Variants in SH3RF3 observed in about 807,000 individuals in gnomAD.
The protein encoded by SH3RF3 is E3 ubiquitin-protein ligase SH3RF3.
SH3RF3 carries 29 observed loss-of-function variants against 66.3 expected under a neutral mutation model. The observed-to-expected ratio is 0.44, with a 90% CI of 0.33 to 0.60. SH3RF3 has a LOEUF of 0.60. Ranked by LOEUF, SH3RF3 falls within the 20% of genes least tolerant of loss-of-function variation. The pLI is 0.04. For synonymous variants in SH3RF3, 583 were observed against 532.0 expected, an observed-to-expected ratio of 1.10 and a Z score of -1.32; for missense variants, 1,194 against 1,190.9, an observed-to-expected ratio of 1.00 and a Z score of -0.04.
At chr2:109,456,595 G>A (rs574006665) in intron 8 of SH3RF3, among the ~76,000 whole-genome samples, 180 of 152,318 alleles carry the variant, frequency 1.2e-3, no homozygotes, top group African/African-American at 4.2e-3. Context: ...TGTTATCTGC[G>A]CCCTCCCAGG....
chr2:109,447,779 A>C (rs1162086334), intron 7 of SH3RF3, among the ~76,000 whole-genome samples: 2 of 152,196 alleles, frequency 1.3e-5, no homozygotes, highest in African/African-American at 4.8e-5. Context: ...GCTGTGTTTA[A>C]AGGGAGCTGT....
chr2:109,272,677 G>A (rs1016821008), intron 1 of SH3RF3, among the ~76,000 whole-genome samples: 1 of 152,248 alleles, frequency 6.6e-6, no homozygotes, highest in Non-Finnish European at 1.5e-5. Flanking sequence ...GCGCTGAGTT[G>A]TCATGGAGAC....
At chr2:109,494,589 G>A (rs146427085) in intron 9 of SH3RF3, among the ~76,000 whole-genome samples, 2,160 of 152,264 alleles carry the variant, frequency 0.014, 49 homozygotes, top group African/African-American at 0.05. Context: ...GCTGGGCTGC[G>A]CCCTGTGCAG....
intron 8 of SH3RF3, among the ~76,000 whole-genome samples, chr2:109,473,341 A>G (rs1406135805): frequency 6.6e-6 from 1 of 152,182 alleles, no homozygotes; most frequent in Admixed American, 6.5e-5. Context: ...GTGGCTGGTT[A>G]CCAAGCACAA....
chr2:109,355,798 T>C lies in SH3RF3; in HGVS notation c.849+7849T>C, dbSNP rs916566323. Reference sequence around the variant, plus strand: ...TTGCCGTCTTCATATACAAAGCCCATTTGGTGTTTTGAGGAGGGGTATTTC... The same window carrying C: ...TTGCCGTCTTCATATACAAAGCCCACTTGGTGTTTTGAGGAGGGGTATTTC... On this transcript the variant is annotated intron_variant, in intron 2 of 9. Coordinates refer to ENST00000309415, the MANE Select transcript of SH3RF3 (RefSeq NM_001099289.3). 4.6e-5 allele frequency among the ~76,000 whole-genome samples: 7 copies of C among 152,246 alleles called. No homozygotes were observed. In the East Asian group the frequency reaches 1.2e-3, roughly 25 times the overall value.
At chr2:109,446,618 T>C (rs1196284926) in intron 7 of SH3RF3, among the ~76,000 whole-genome samples, 1 of 152,082 alleles carries the variant, frequency 6.6e-6, no homozygotes, top group Non-Finnish European at 1.5e-5. Context: ...CTTGCAGCTA[T>C]GAGGGAGGTG....
intron 2 of SH3RF3, among the ~76,000 whole-genome samples, chr2:109,359,136 A>G (rs1173176503): frequency 1.3e-5 from 2 of 152,090 alleles, no homozygotes; most frequent in African/African-American, 2.4e-5. Flanking sequence ...CCATTGATCT[A>G]GTTGTCTATT....
chr2:109,203,969 G>T (rs1231661918), intron 1 of SH3RF3, among the ~76,000 whole-genome samples: 1 of 152,246 alleles, frequency 6.6e-6, no homozygotes, highest in African/African-American at 2.4e-5. Context: ...CGGTGCTCCA[G>T]TGTGAAGCAT....
At chr2:109,261,924 G>A (rs1367631442) in intron 1 of SH3RF3, among the ~76,000 whole-genome samples, 3 of 152,014 alleles carry the variant, frequency 2.0e-5, no homozygotes, top group East Asian at 3.9e-4. Flanking sequence ...AGTGTGGTGT[G>A]TATTAAGATC....
Position 109,432,429 on chromosome 2 carries a change from C to T in SH3RF3, c.1404-72C>T, listed in dbSNP as rs984681009. On this transcript the variant is annotated intron_variant, in intron 5 of 9. Transcript: ENST00000309415. ...TGGGTTCCTCCAAAGACAACCTCCC[C>T]CCAGGAATGCCGGCCGGTCCCCTAT... 3.8e-6 allele frequency: 6 copies of T among 1,572,560 alleles called. No individual in the cohort carries two copies. In the East Asian group the frequency reaches 9.4e-5, roughly 25 times the overall value.
chr2:109,266,304 TGTGTGTGTGTTGTATG>T (rs1680492977), intron 1 of SH3RF3, among the ~76,000 whole-genome samples: 2 of 151,588 alleles, frequency 1.3e-5, no homozygotes, highest in East Asian at 1.9e-4. Flanking sequence ...GTGTATGTGT[TGTGTGTGTGTTGTATG>T]GTGTGTGTGT....
intron 4 of SH3RF3, among the ~76,000 whole-genome samples, chr2:109,412,683 A>G (rs959863405): frequency 9.9e-5 from 15 of 152,254 alleles, no homozygotes. Flanking sequence ...CCAGACCTCA[A>G]GTGTTAACTC....
intron 1 of SH3RF3, among the ~76,000 whole-genome samples, chr2:109,241,340 A>G (rs1380240126): frequency 2.0e-5 from 3 of 152,198 alleles, no homozygotes; most frequent in Middle Eastern, 3.2e-3. Context: ...TTTGAAGTGG[A>G]AAAAAAGTAT....
chr2:109,283,318 C>A lies in SH3RF3; in HGVS notation c.574-64356C>A, dbSNP rs1437321101. 2.0e-5 allele frequency among the ~76,000 whole-genome samples: 3 copies of A among 152,344 alleles called. No homozygotes were observed. In the East Asian group the frequency reaches 5.8e-4, roughly 29 times the overall value. The stretch of plus-strand genomic sequence containing the variant: ...TCCCCACTTGTGGGCCTGCTGGACA[C>A]CTGCTCCCCTGCTCCTTCCTTGCCA... On this transcript the variant is annotated intron_variant, in intron 1 of 9. Transcript: ENST00000309415.
chr2:109,161,842 C>T (rs189457131), intron 1 of SH3RF3, among the ~76,000 whole-genome samples: 72 of 152,058 alleles, frequency 4.7e-4, no homozygotes, highest in Middle Eastern at 3.4e-3. Context: ...CATCGGGCCC[C>T]GTCCAACATT....
intron 1 of SH3RF3, among the ~76,000 whole-genome samples, chr2:109,270,363 C>T (rs750788409): frequency 1.2e-4 from 18 of 152,120 alleles, no homozygotes; most frequent in Non-Finnish European, 1.6e-4. Flanking sequence ...AGCTGCCTAG[C>T]GGGATAGGCA....
chr2:109,410,077 G>A (rs1324770705), intron 4 of SH3RF3, among the ~76,000 whole-genome samples: 3 of 152,136 alleles, frequency 2.0e-5, no homozygotes, highest in Non-Finnish European at 4.4e-5. Flanking sequence ...AACTAATACG[G>A]CCTGGTTCCC....
intron 8 of SH3RF3, among the ~76,000 whole-genome samples, chr2:109,452,833 A>AGGAGGCTGGTCCCTG (rs1453365998): frequency 7.7e-6 from 1 of 130,506 alleles, no homozygotes; most frequent in African/African-American, 3.0e-5. Flanking sequence ...GGCTGGTGCC[A>AGGAGGCTGGTCCCTG]GGAGGCTGGT....
intron 1 of SH3RF3, among the ~76,000 whole-genome samples, chr2:109,164,268 G>A (rs574271754): frequency 2.5e-4 from 38 of 152,050 alleles, no homozygotes; most frequent in African/African-American, 7.2e-4. Context: ...CTGCGGCCTC[G>A]GCCTCCTGGG....
Sources: gnomAD v4.1 joint callset for allele counts (sites outside exome capture counted in the v4.1 genomes callset) on GRCh38, gnomAD v4.1.1 for gene constraint, MANE v1.5 for transcripts, NCBI Gene and HGNC (gene_info 2026-07-23, HGNC 2026-07-21) for gene names.